CDH11: variants seen among roughly 807,000 people sequenced by gnomAD.
CDH11 encodes the protein cadherin-11.
In CDH11, 11 loss-of-function variants were observed where a neutral mutation model predicts 67.8. The ratio of observed to expected loss-of-function variants is 0.16; its 90% confidence interval spans 0.10 to 0.27. The LOEUF (loss-of-function observed/expected upper bound fraction) is 0.27. Among genes scored for constraint, CDH11 ranks in the 10% least tolerant of loss-of-function variants. The pLI is 1.00. For missense variants in CDH11, 847 were observed against 1,031.2 expected, an observed-to-expected ratio of 0.82 and a Z score of 2.45; for synonymous variants, 419 against 400.0, an observed-to-expected ratio of 1.05 and a Z score of -0.57.
chr16:65,073,431 C>T (rs2074454254), intron 1 of CDH11, among the ~76,000 whole-genome samples: 1 of 152,152 alleles, frequency 6.6e-6, no homozygotes, highest in Non-Finnish European at 1.5e-5. Context: ...CAGGTATGAG[C>T]CAACACATCC....
At chr16:65,091,472 CAT>C (rs948288876) in intron 1 of CDH11, among the ~76,000 whole-genome samples, 7 of 152,034 alleles carry the variant, frequency 4.6e-5, no homozygotes, top group Admixed American at 1.3e-4. Flanking sequence ...CTGAATCCCA[CAT>C]ATGTCTTCTG....
intron 1 of CDH11, among the ~76,000 whole-genome samples, chr16:65,064,056 C>A (rs921702329): frequency 1.3e-5 from 2 of 152,168 alleles, no homozygotes; most frequent in African/African-American, 4.8e-5. Flanking sequence ...GTGCAGAAGA[C>A]CTTGGCGGCC....
chr16:64,975,993 T>C (rs1006121801), intron 8 of CDH11, among the ~76,000 whole-genome samples: 1 of 152,142 alleles, frequency 6.6e-6, no homozygotes, highest in Non-Finnish European at 1.5e-5. Flanking sequence ...CTTCAGGAAG[T>C]CAGGGGTGGA....
Position 65,004,631 on chromosome 16 carries a change from G to A in CDH11, c.228+11C>T. The A allele has an allele frequency of 6.2e-7, 1 of 1,608,586 alleles. No homozygotes were observed. The highest frequency in any genetic ancestry group is 8.5e-7 in the Non-Finnish European group (1 of 1,177,718). ...GTTGGAAAGCTCAGGATTGAGGGAA[G>A]GCAGCCTTACCCTGCCCACAAGCAC... On this transcript the variant is annotated intron_variant, in intron 3 of 12. Coordinates refer to ENST00000268603, the MANE Select transcript of CDH11 (RefSeq NM_001797.4).
intron 11 of CDH11, among the ~76,000 whole-genome samples, chr16:64,957,963 G>A (rs1191485481): frequency 6.6e-6 from 1 of 152,114 alleles, no homozygotes; most frequent in East Asian, 1.9e-4. Flanking sequence ...TGTTACTACT[G>A]ATCAATGATG....
intron 2 of CDH11, among the ~76,000 whole-genome samples, chr16:65,032,596 C>A (rs1485561303): frequency 1.3e-5 from 2 of 152,128 alleles, no homozygotes; most frequent in Non-Finnish European, 2.9e-5. Context: ...AACCCAAACA[C>A]ATGTGCCAAG....
chr16:65,064,249 C>T (rs938037047), intron 1 of CDH11, among the ~76,000 whole-genome samples: 16 of 152,344 alleles, frequency 1.1e-4, no homozygotes, highest in Admixed American at 3.3e-4. Context: ...GATGCAGCTG[C>T]AAGCTGATTC....
At chr16:65,001,495 G>A (rs1019229031) in intron 3 of CDH11, among the ~76,000 whole-genome samples, 27 of 152,218 alleles carry the variant, frequency 1.8e-4, no homozygotes, top group South Asian at 4.2e-4. Context: ...AAGGACATAC[G>A]AATGAGGAAC....
At chr16:65,098,757 A>G (rs549289243) in intron 1 of CDH11, among the ~76,000 whole-genome samples, 1 of 152,256 alleles carries the variant, frequency 6.6e-6, no homozygotes, top group African/African-American at 2.4e-5. Context: ...TAAGATAAGA[A>G]ATTGTGTAAT....
intron 2 of CDH11, among the ~76,000 whole-genome samples, chr16:65,028,379 C>T (rs184597705): frequency 6.6e-6 from 1 of 152,192 alleles, no homozygotes; most frequent in African/African-American, 2.4e-5. Context: ...CTATGTATCC[C>T]TGGTGGCACC....
intron 8 of CDH11, among the ~76,000 whole-genome samples, chr16:64,976,109 C>T (rs953235121): frequency 1.3e-5 from 2 of 152,014 alleles, no homozygotes; most frequent in Admixed American, 1.3e-4. Flanking sequence ...GGTAAAAATG[C>T]ACAACAGACA....
chr16:65,063,172 C>T (rs1253924705), intron 1 of CDH11, among the ~76,000 whole-genome samples: 4 of 152,280 alleles, frequency 2.6e-5, no homozygotes, highest in South Asian at 2.1e-4. Flanking sequence ...TATTCTACCT[C>T]GATTTGTGAG....
At chr16:65,101,466 G>A (rs1004981829) in intron 1 of CDH11, among the ~76,000 whole-genome samples, 7 of 152,196 alleles carry the variant, frequency 4.6e-5, no homozygotes, top group African/African-American at 1.7e-4. Flanking sequence ...AATATGAATT[G>A]TGATACTAAT....
intron 1 of CDH11, among the ~76,000 whole-genome samples, chr16:65,093,595 G>A (rs2074832272): frequency 1.3e-5 from 2 of 152,106 alleles, no homozygotes; most frequent in Admixed American, 1.3e-4. Context: ...ATAGCAGTGT[G>A]TATACAGGTA....
At chr16:64,977,250 T>G (rs1395839309) in intron 8 of CDH11, among the ~76,000 whole-genome samples, 1 of 152,146 alleles carries the variant, frequency 6.6e-6, no homozygotes, top group Non-Finnish European at 1.5e-5. Context: ...GTCTGGTATT[T>G]CTAAATAACA....
At chr16:65,017,191 G>C (rs2073328331) in intron 2 of CDH11, among the ~76,000 whole-genome samples, 1 of 152,100 alleles carries the variant, frequency 6.6e-6, no homozygotes, top group Admixed American at 6.6e-5. Flanking sequence ...CTGTAGTGAA[G>C]AATGCCTAAC....
rs1415134249 is a variant in CDH11 at position 64,944,582 on chromosome 16, G to T, written c.*3021C>A. The T allele has an allele frequency of 1.3e-5, 3 of 232,294 alleles. No homozygotes were observed. Among genetic ancestry groups the T allele is most frequent in the African/African-American group, 2.2e-5 (1 of 45,242 alleles). The allele number at this position is 232,294 out of a possible 1,614,324, so 14.4% of individuals were successfully genotyped here. Reference sequence around the variant, plus strand: ...AAAGATGTGAAGGATATGTCACAATGACCCAGGAGCAGTTTCAAATACTCC... The same window carrying T: ...AAAGATGTGAAGGATATGTCACAATTACCCAGGAGCAGTTTCAAATACTCC... On this transcript the variant is annotated 3_prime_UTR_variant, in exon 13 of 13. Coordinates refer to ENST00000268603, the MANE Select transcript of CDH11 (RefSeq NM_001797.4).
At chr16:64,971,380 T>C (rs2072000444) in intron 11 of CDH11, among the ~76,000 whole-genome samples, 199 bp downstream of exon 11, 1 of 152,180 alleles carries the variant, frequency 6.6e-6, no homozygotes, top group South Asian at 2.1e-4. Flanking sequence ...AGCCAAAAAA[T>C]GTAAATAAAA....
chr16:65,033,736 C>CTAAAATAAAATAAAATAAAATAAAA (rs59225853), intron 2 of CDH11, among the ~76,000 whole-genome samples: 2,524 of 141,548 alleles, frequency 0.018, 35 homozygotes, highest in East Asian at 0.04. Flanking sequence ...GACTCCATCT[C>CTAAAATAAAATAAAATAAAATAAAA]TAAAATAAAA....
Sources: gnomAD v4.1 joint callset for allele counts (sites outside exome capture counted in the v4.1 genomes callset) on GRCh38, gnomAD v4.1.1 for gene constraint, MANE v1.5 for transcripts, NCBI Gene and HGNC (gene_info 2026-07-23, HGNC 2026-07-21) for gene names.